The following MGAT4C variants were observed in gnomAD, a reference collection of about 807,000 sequenced individuals.
MGAT4C encodes alpha-1,3-mannosyl-glycoprotein 4-beta-N-acetylglucosaminyltransferase C.
A neutral mutation model predicts 40.1 loss-of-function variants in MGAT4C; 19 were observed. That is an observed-to-expected ratio of 0.47 (90% CI 0.33 to 0.70). The LOEUF is 0.70. Among genes scored for constraint, MGAT4C ranks in the 30% least tolerant of loss-of-function variants. The pLI, the probability that MGAT4C is intolerant of heterozygous loss-of-function variation, is 0.02. For missense variants in MGAT4C, 491 were observed against 563.2 expected, an observed-to-expected ratio of 0.87 and a Z score of 1.30; for synonymous variants, 181 against 187.1, an observed-to-expected ratio of 0.97 and a Z score of 0.27.
chr12:86,033,463 G>A (rs532754440), intron 2 of MGAT4C, among the ~76,000 whole-genome samples: 1 of 149,224 alleles, frequency 6.7e-6, no homozygotes, highest in African/African-American at 2.4e-5. Context: ...CACTGTGGAA[G>A]TATTTCACCT....
At chr12:86,767,853 G>A (rs1951544152) in intron 1 of MGAT4C, among the ~76,000 whole-genome samples, 1 of 152,170 alleles carries the variant, frequency 6.6e-6, no homozygotes, top group South Asian at 2.1e-4. Context: ...ATTAAGTATT[G>A]ATGGGACGTA....
chr12:86,239,471 C>A (rs1211687532), intron 1 of MGAT4C, among the ~76,000 whole-genome samples: 1 of 151,906 alleles, frequency 6.6e-6, no homozygotes, highest in Non-Finnish European at 1.5e-5. Context: ...GCATGCTTTA[C>A]AATTAAAATT....
At chr12:86,710,055 A>G (rs1377343374) in intron 2 of MGAT4C, among the ~76,000 whole-genome samples, 1 of 152,208 alleles carries the variant, frequency 6.6e-6, no homozygotes, top group Non-Finnish European at 1.5e-5. Context: ...TGGAATAAAT[A>G]ATACTAATTT....
At chr12:86,734,996 C>T (rs534534728) in intron 1 of MGAT4C, among the ~76,000 whole-genome samples, 2 of 151,910 alleles carry the variant, frequency 1.3e-5, no homozygotes, top group South Asian at 4.2e-4. Context: ...GGAACTTGGC[C>T]GAGTAAACTT....
At chr12:86,101,994 TATCCA>T (rs923938351) in intron 1 of MGAT4C, among the ~76,000 whole-genome samples, 1 of 151,982 alleles carries the variant, frequency 6.6e-6, no homozygotes, top group African/African-American at 2.4e-5. Context: ...TAATGTTTCT[TATCCA>T]AAATATAGGC....
At chr12:86,511,198 C>T (rs200932268) in intron 2 of MGAT4C, among the ~76,000 whole-genome samples, 4,139 of 151,842 alleles carry the variant, frequency 0.027, 153 homozygotes, top group African/African-American at 0.086. Context: ...CACTCAAAAC[C>T]GCTCAACTAC....
At chr12:86,263,372 T>G (rs1167474432) in intron 4 of MGAT4C, among the ~76,000 whole-genome samples, 1 of 152,140 alleles carries the variant, frequency 6.6e-6, no homozygotes, top group African/African-American at 2.4e-5. Flanking sequence ...ATCATTATAC[T>G]CTCTATGTCC....
chr12:86,241,035 C>T (rs922077203), intron 1 of MGAT4C, among the ~76,000 whole-genome samples: 1 of 152,022 alleles, frequency 6.6e-6, no homozygotes, highest in African/African-American at 2.4e-5. Context: ...GTTTGTCTGA[C>T]GTTCATGATT....
At chr12:86,751,803 T>C (rs967903439) in intron 1 of MGAT4C, among the ~76,000 whole-genome samples, 15 of 152,024 alleles carry the variant, frequency 9.9e-5, no homozygotes, top group Admixed American at 5.9e-4. Context: ...CTATCCTCCT[T>C]CAGCTTTTGT....
At chr12:86,453,315 T>A (rs1957457895) in intron 2 of MGAT4C, among the ~76,000 whole-genome samples, 1 of 152,112 alleles carries the variant, frequency 6.6e-6, no homozygotes, top group Non-Finnish European at 1.5e-5. Flanking sequence ...TATGAAATCA[T>A]AATACCAAGA....
At chr12:86,067,177 A>G (rs1400170334) in intron 1 of MGAT4C, among the ~76,000 whole-genome samples, 1 of 152,194 alleles carries the variant, frequency 6.6e-6, no homozygotes, top group East Asian at 1.9e-4. Context: ...ATAACCAGAA[A>G]TACCATTTGA....
rs1951468312 is a variant in MGAT4C at position 86,764,554 on chromosome 12, C to A, written c.-261-37313G>T. 7.3e-5 allele frequency among the ~76,000 whole-genome samples: 5 copies of A among 68,710 alleles called. 1 individual carries two copies. In the South Asian group the frequency reaches 2.4e-3, roughly 33 times the overall value. 45.1% of individuals were successfully genotyped at this position (68,710 alleles called of 152,430 possible). On this transcript the variant is annotated intron_variant, in intron 1 of 7. Coordinates refer to the MGAT4C transcript ENST00000548651. ...AGCTGGAGATCTGAGAACGGGCAGA[C>A]TGCCTCCTCAAGTGGGTCCCTGACC... is the stretch of plus-strand genomic sequence containing the variant.
chr12:86,242,764 G>T (rs1425430818), intron 1 of MGAT4C, among the ~76,000 whole-genome samples: 1 of 151,856 alleles, frequency 6.6e-6, no homozygotes, highest in Non-Finnish European at 1.5e-5. Flanking sequence ...CATGCATAAG[G>T]CACCAATCCC....
At chr12:86,443,081 C>T (rs1476630350) in intron 2 of MGAT4C, among the ~76,000 whole-genome samples, 1 of 152,042 alleles carries the variant, frequency 6.6e-6, no homozygotes, top group Non-Finnish European at 1.5e-5. Context: ...TGGGAAACAA[C>T]AATTTTATGG....
At chr12:86,348,685 T>C (rs1052443730) in intron 3 of MGAT4C, among the ~76,000 whole-genome samples, 20 of 152,172 alleles carry the variant, frequency 1.3e-4, no homozygotes, top group Non-Finnish European at 2.5e-4. Context: ...ATGAATCTCA[T>C]TCAATAGTAC....
chr12:86,579,716 C>T (rs1231824108), intron 2 of MGAT4C, among the ~76,000 whole-genome samples: 1 of 151,516 alleles, frequency 6.6e-6, no homozygotes, highest in Non-Finnish European at 1.5e-5. Context: ...TTCCCTTTAG[C>T]ATTTCTTGTA....
intron 2 of MGAT4C, among the ~76,000 whole-genome samples, chr12:86,521,558 G>GT (rs1158044909): frequency 6.6e-6 from 1 of 151,376 alleles, no homozygotes; most frequent in Non-Finnish European, 1.5e-5. Flanking sequence ...TTCAGGCTTC[G>GT]TATTTGTTTG....
intron 1 of MGAT4C, among the ~76,000 whole-genome samples, chr12:86,183,054 C>T (rs527470478): frequency 6.6e-6 from 1 of 152,202 alleles, no homozygotes; most frequent in Non-Finnish European, 1.5e-5. Flanking sequence ...AGCACTGTTA[C>T]CATTTTTCTT....
chr12:86,782,400 C>T (rs1241244224), intron 1 of MGAT4C, among the ~76,000 whole-genome samples: 1 of 151,908 alleles, frequency 6.6e-6, no homozygotes, highest in African/African-American at 2.4e-5. Context: ...CCAGGATGGT[C>T]TCAATCTCCT....
Sources: gnomAD v4.1 joint callset for allele counts (sites outside exome capture counted in the v4.1 genomes callset) on GRCh38, gnomAD v4.1.1 for gene constraint, MANE v1.5 for transcripts, NCBI Gene and HGNC (gene_info 2026-07-23, HGNC 2026-07-21) for gene names.